Variants in CTTNBP2 observed in about 807,000 individuals in gnomAD.
The protein encoded by CTTNBP2 is cortactin binding protein 2, also known as cortactin-binding protein 2.
Under a neutral mutation model 156.9 loss-of-function variants are expected in CTTNBP2, and 108 were observed. That is an observed-to-expected ratio of 0.69 (90% CI 0.59 to 0.81). The LOEUF (loss-of-function observed/expected upper bound fraction) is 0.81, where lower values mean the gene tolerates loss of function less well. Ranked by LOEUF, CTTNBP2 falls within the 30% of genes least tolerant of loss-of-function variation. The pLI is 0.00. For synonymous variants in CTTNBP2, 767 were observed against 751.8 expected, an observed-to-expected ratio of 1.02 and a Z score of -0.33; for missense variants, 1,924 against 2,035.4, an observed-to-expected ratio of 0.95 and a Z score of 1.05.
At chr7:117,774,390 C>T (rs1026773848) in intron 8 of CTTNBP2, among the ~76,000 whole-genome samples, 3 of 152,072 alleles carry the variant, frequency 2.0e-5, no homozygotes, top group African/African-American at 7.2e-5. Flanking sequence ...CCTGAACCCC[C>T]GGGGTTCACA....
At chr7:117,756,410 G>A in intron 12 of CTTNBP2, 145 bp downstream of exon 12, 1 of 660,254 alleles carries the variant, frequency 1.5e-6, no homozygotes, top group Non-Finnish European at 2.7e-6. Context: ...CAGCCTGCCA[G>A]GGAGGGGGCT....
At position 117,777,542 on chromosome 7, in the gene CTTNBP2, G is replaced by A. The variant is rs903378803; in HGVS notation, c.2747C>T (p.Ala916Val). ...INHANREGWTAAHIAASKGFK... is the reference protein window; with the variant it reads ...INHANREGWTVAHIAASKGFK... ...ACCTTTGGAAGCAGCAATGTGGGCA[G>A]CAGTCCAGCCTTCTCTGTTGGCGTG... The change falls in exon 8 of 23, where the codon GCT (alanine) becomes GTT (valine). Residue 916 changes from alanine (A) to valine (V), a missense_variant. Ala to Val is a moderately conservative substitution (Grantham distance 64). Coordinates refer to ENST00000160373, the MANE Select transcript of CTTNBP2 (RefSeq NM_033427.3). 1 of 1,613,554 alleles carries A rather than the reference G, an allele frequency of 6.2e-7. No individual in the cohort carries two copies. The highest frequency in any genetic ancestry group is 8.5e-7 in the Non-Finnish European group (1 of 1,179,862).
intron 8 of CTTNBP2, among the ~76,000 whole-genome samples, chr7:117,773,684 CACACACACACACACACACA>C (rs1562992327): frequency 6.6e-6 from 1 of 150,430 alleles, no homozygotes; most frequent in Non-Finnish European, 1.5e-5. Flanking sequence ...CACACACACA[CACACACACACACACACACA>C]CACACCCCAA....
intron 2 of CTTNBP2, 65 bp downstream of exon 2, chr7:117,861,138 AAGGTTT>A: frequency 1.2e-6 from 1 of 842,808 alleles, no homozygotes; most frequent in Non-Finnish European, 1.9e-6. Flanking sequence ...TAAGAAAAAG[AAGGTTT>A]GCCAATGGCT....
At chr7:117,795,498 A>G (rs1799267351) in intron 3 of CTTNBP2, among the ~76,000 whole-genome samples, 1 of 152,198 alleles carries the variant, frequency 6.6e-6, no homozygotes, top group Non-Finnish European at 1.5e-5. Context: ...TTTTTACAAA[A>G]CAATAACTAG....
intron 14 of CTTNBP2, among the ~76,000 whole-genome samples, chr7:117,741,093 G>A (rs1795990295): frequency 6.6e-6 from 1 of 152,236 alleles, no homozygotes; most frequent in South Asian, 2.1e-4. Context: ...TTATCCTCCA[G>A]TGAGCCCCCA....
chr7:117,788,957 C>T (rs1007576073), intron 4 of CTTNBP2, among the ~76,000 whole-genome samples: 2 of 151,204 alleles, frequency 1.3e-5, no homozygotes, highest in Non-Finnish European at 2.9e-5. Context: ...ATAAGGAATC[C>T]GATTTCCGTA....
intron 3 of CTTNBP2, among the ~76,000 whole-genome samples, chr7:117,806,744 ATTTTTT>A (rs3059529): frequency 8.4e-6 from 1 of 119,224 alleles, no homozygotes; most frequent in Non-Finnish European, 1.7e-5. Context: ...TCTTTTTCTC[ATTTTTT>A]TTTTTTTTTT....
chr7:117,864,356 G>A (rs991109752), intron 1 of CTTNBP2, among the ~76,000 whole-genome samples: 2 of 151,858 alleles, frequency 1.3e-5, no homozygotes, highest in Non-Finnish European at 2.9e-5. Context: ...TTCCCTCTAT[G>A]ACTCCACCCC....
rs1798598187 is a variant in CTTNBP2, at chr7:117,784,432, AG to A, written c.2090del (p.Pro697LeufsTer3). ...TASGWSPSLT[P>X]LLMSGGPAPL... ...GGGCAGGACCACCACTCATTAGCAA[AG>A]GGGTTAGGGAGGGTGACCAGCCTGT... On this transcript the variant is annotated frameshift_variant, in exon 5 of 23. Transcript: ENST00000160373. LOFTEE classifies it high-confidence loss of function. 6.2e-7 allele frequency: 1 copy of A among 1,601,576 alleles called. No individual in the cohort carries two copies. Among genetic ancestry groups the A allele is most frequent in the Admixed American group, 1.8e-5 (1 of 56,738 alleles).
rs772284860 is a variant in CTTNBP2 at position 117,792,298 on chromosome 7, T to C, written c.898A>G (p.Thr300Ala). 6.2e-7 allele frequency: 1 copy of C among 1,614,214 alleles called. No individual in the cohort carries two copies. Reference sequence around the variant, plus strand: ...TGGCATGCAACAGACCTTGTCACAGTTCCTTCTGTTCCCACAGATATGGAA... The same window carrying C: ...TGGCATGCAACAGACCTTGTCACAGCTCCTTCTGTTCCCACAGATATGGAA... ...LVSISVGTEG[T>A]VTRSVACQTD... Residue 300 changes from threonine to alanine, a missense_variant, in exon 4 of 23, where the codon ACT becomes GCT. Coordinates refer to ENST00000160373, the MANE Select transcript of CTTNBP2 (RefSeq NM_033427.3). The surrounding 1 kb of genome is among the most constrained non-coding windows in gnomAD (Gnocchi z 4.2).
intron 12 of CTTNBP2, among the ~76,000 whole-genome samples, chr7:117,747,512 C>T (rs1382772744): frequency 6.6e-6 from 1 of 152,230 alleles, no homozygotes; most frequent in Non-Finnish European, 1.5e-5. Context: ...GTGGCTCACG[C>T]CTTTAATCCC....
chr7:117,777,247 T>C (rs1339118275), intron 8 of CTTNBP2, among the ~76,000 whole-genome samples: 4 of 152,188 alleles, frequency 2.6e-5, no homozygotes, highest in African/African-American at 4.8e-5. Flanking sequence ...GTTCCTATAG[T>C]AGACAAGATA....
At chr7:117,762,534 A>G (rs1797267851) in intron 9 of CTTNBP2, among the ~76,000 whole-genome samples, 1 of 152,148 alleles carries the variant, frequency 6.6e-6, no homozygotes, top group Non-Finnish European at 1.5e-5. Context: ...AGTCCTTCTC[A>G]TTACCTCATC....
chr7:117,816,222 G>C (rs1318272695), intron 2 of CTTNBP2, among the ~76,000 whole-genome samples: 1 of 152,160 alleles, frequency 6.6e-6, no homozygotes, highest in African/African-American at 2.4e-5. Context: ...TCCCAGGAAG[G>C]ATTCATCAGC....
At chr7:117,800,760 C>T (rs976422542) in intron 3 of CTTNBP2, among the ~76,000 whole-genome samples, 2 of 151,990 alleles carry the variant, frequency 1.3e-5, no homozygotes, top group Non-Finnish European at 2.9e-5. Context: ...ATACTGACAG[C>T]TTGATACATA....
Position 117,782,891 on chromosome 7 carries a change from CA to C in CTTNBP2, c.2342del (p.Leu781CysfsTer13). The C allele has an allele frequency of 6.2e-7, 1 of 1,614,036 alleles. No homozygotes were observed. The highest frequency in any genetic ancestry group is 1.1e-5 in the South Asian group (1 of 91,082). ...AATGTCCCTGAGCAGCTGCAGCACACAAGGGTGTGAAGCCATTTTTATCAGC... is the reference window on the plus strand; with the variant it reads ...AATGTCCCTGAGCAGCTGCAGCACACAGGGTGTGAAGCCATTTTTATCAGC... Reference protein sequence around the residue: ...NAADKNGFTPLCAAAAQGHFE... With the variant: ...NAADKNGFTPXCAAAAQGHFE... On this transcript the variant is annotated frameshift_variant, in exon 6 of 23. Transcript: ENST00000160373. LOFTEE classifies it high-confidence loss of function.
intron 14 of CTTNBP2, among the ~76,000 whole-genome samples, chr7:117,742,397 A>T (rs1244763667): frequency 6.6e-6 from 1 of 152,232 alleles, no homozygotes; most frequent in Non-Finnish European, 1.5e-5. Context: ...CTATGTTAAA[A>T]GGGTCAGATC....
intron 17 of CTTNBP2, 97 bp downstream of exon 17, chr7:117,727,992 G>A (rs2116441296): frequency 1.9e-6 from 2 of 1,066,140 alleles, no homozygotes; most frequent in East Asian, 2.4e-5. Context: ...GTGACAGGAG[G>A]TGGCACAAGG....
Sources: allele counts gnomAD v4.1 joint callset (sites outside exome capture counted in the v4.1 genomes callset), GRCh38; gene constraint gnomAD v4.1.1; non-coding constraint Gnocchi (gnomAD v3.1); transcripts MANE v1.5; gene names NCBI Gene and HGNC (gene_info 2026-07-23, HGNC 2026-07-21).